TACC2: variants seen among roughly 807,000 people sequenced by gnomAD.
The protein encoded by TACC2 is transforming acidic coiled-coil-containing protein 2.
TACC2 carries 137 observed loss-of-function variants against 227.3 expected under a neutral mutation model. The ratio of observed to expected loss-of-function variants is 0.60; its 90% CI spans 0.52 to 0.69. The LOEUF is 0.69. Among genes scored for constraint, TACC2 ranks in the 30% least tolerant of loss-of-function variants. The probability of loss-of-function intolerance (pLI) is 0.00; values close to 1 mark genes in which losing one functional copy is unlikely to be tolerated. For missense variants in TACC2, 3,470 were observed against 3,694.4 expected (o/e 0.94, Z 1.57); for synonymous variants, 1,523 against 1,487.5 (o/e 1.02, Z -0.55).
intron 3 of TACC2, among the ~76,000 whole-genome samples, chr10:122,062,114 G>A (rs1161084282): frequency 7.4e-5 from 10 of 134,270 alleles, no homozygotes; most frequent in Admixed American, 6.1e-4. Context: ...CTCACTGCAA[G>A]CTCCGCCTCC....
chr10:122,203,699 T>C (rs1199203482), intron 8 of TACC2, among the ~76,000 whole-genome samples: 1 of 146,064 alleles, frequency 6.8e-6, no homozygotes, highest in African/African-American at 2.6e-5. Flanking sequence ...GAGGGGCTCC[T>C]CACATCCCAG....
rs775345822 is a variant in TACC2, at chr10:122,086,713, T to G, written c.4213T>G (p.Phe1405Val). 2.5e-6 allele frequency: 4 copies of G among 1,613,846 alleles called. No homozygotes were observed. In the African/African-American group the frequency reaches 5.3e-5, roughly 22 times the overall value. ...SSEQIATLTG[F>V]PDFREHIAKI... The stretch of plus-strand genomic sequence containing the variant: ...TGAGCAAATCGCCACCCTCACTGGC[T>G]TCCCAGACTTCAGGGAGCACATCGC... Residue 1405 changes from phenylalanine (F) to valine (V), a missense_variant, in exon 4 of 23, where the codon TTC becomes GTC. Physicochemically the swap from Phe to Val is conservative, Grantham distance 50. Coordinates refer to ENST00000369005, the MANE Select transcript of TACC2 (RefSeq NM_206862.4).
intron 7 of TACC2, chr10:122,163,683 C>T (rs1468267553): frequency 9.4e-7 from 1 of 1,068,146 alleles, no homozygotes; most frequent in East Asian, 6.4e-5. Flanking sequence ...CGGCCACACT[C>T]GGGCGCGCGC....
At chr10:122,187,130 AT>A (rs2094227800) in intron 7 of TACC2, among the ~76,000 whole-genome samples, 1 of 152,208 alleles carries the variant, frequency 6.6e-6, no homozygotes, top group South Asian at 2.1e-4. Flanking sequence ...AAATAAGCCA[AT>A]TTCAAAACTA....
rs753531775 is a variant in TACC2, at chr10:122,082,881, G to T, written c.381G>T (p.Ala127=). The change falls in exon 4 of 23, where the codon GCG becomes GCT. Residue 127 remains alanine (A), a synonymous_variant. Transcript: ENST00000369005. ...PPEGCLASPA[A]APEDGPQTQS... is the part of the protein sequence containing the mutation. ...AAGGTTGCTTGGCAAGTCCAGCAGC[G>T]GCACCTGAAGATGGTCCTCAGACTC... 6.2e-7 allele frequency: 1 copy of T among 1,613,360 alleles called. No individual in the cohort carries two copies. Among genetic ancestry groups the T allele is most frequent in the South Asian group, 1.1e-5 (1 of 91,074 alleles).
intron 2 of TACC2, chr10:122,022,515 G>A (rs959476449): frequency 6.5e-5 from 10 of 153,144 alleles, no homozygotes; most frequent in Non-Finnish European, 1.3e-4. Flanking sequence ...TCCCCAAAGC[G>A]CTGGGATTAC....
chr10:122,224,796 G>T lies in TACC2; in HGVS notation c.7608+9G>T, dbSNP rs757588017. The T allele has an allele frequency of 6.2e-6, 10 of 1,612,950 alleles. No homozygotes were observed. Among genetic ancestry groups the T allele is most frequent in the Non-Finnish European group, 8.5e-6 (10 of 1,179,164 alleles). On this transcript the variant is annotated intron_variant, in intron 12 of 22. Transcript: ENST00000369005. ...TTGGCTCCTCCTTACCTGTAAGTTC[G>T]TCTGCCTCGGGCCACTTAGGGGACT...
At chr10:122,071,710 C>G (rs1441655757) in intron 3 of TACC2, among the ~76,000 whole-genome samples, 8 of 44,666 alleles carry the variant, frequency 1.8e-4, no homozygotes, top group African/African-American at 6.0e-4. Context: ...CCTGTCTCTA[C>G]TAAAAATACA....
intron 5 of TACC2, among the ~76,000 whole-genome samples, chr10:122,114,019 T>C (rs2084164157): frequency 6.6e-6 from 1 of 152,264 alleles, no homozygotes; most frequent in South Asian, 2.1e-4. Flanking sequence ...GTTACTGTTG[T>C]TGCTATCTTC....
chr10:122,254,306 G>T lies in TACC2; in HGVS notation c.*250G>T. On this transcript the variant is annotated 3_prime_UTR_variant, in exon 23 of 23. Coordinates refer to ENST00000369005, the MANE Select transcript of TACC2 (RefSeq NM_206862.4). ...TCAGAGTTCCTGTATCAGGGAGATTGTCTGATTCTCTAATAAAAGACACAT... is the reference window on the plus strand; with the variant it reads ...TCAGAGTTCCTGTATCAGGGAGATTTTCTGATTCTCTAATAAAAGACACAT... 1.9e-6 allele frequency: 1 copy of T among 516,270 alleles called. No individual in the cohort carries two copies. Among genetic ancestry groups the T allele is most frequent in the Non-Finnish European group, 3.5e-6 (1 of 283,528 alleles). The allele number at this position is 516,270 out of a possible 1,614,324, so 32.0% of individuals were successfully genotyped here. A position where few individuals can be genotyped will look rare whatever the true frequency, so the allele number is the denominator to read the frequency against.
intron 2 of TACC2, among the ~76,000 whole-genome samples, chr10:122,036,218 A>G (rs1960283377): frequency 2.2e-5 from 3 of 138,532 alleles, no homozygotes; most frequent in African/African-American, 2.8e-5. Context: ...TTTGAGACGG[A>G]GTCTCGCTCT....
At position 122,249,092 on chromosome 10, in the gene TACC2, C is replaced by T; in HGVS notation, c.8596C>T (p.Arg2866Trp). Residue 2866 changes from arginine (R) to tryptophan (W), a missense_variant, in exon 21 of 23, where the codon CGG becomes TGG. Around this residue, in one of 10 missense-constraint regions of TACC2, gnomAD observed 89 missense variants for 91.4 expected, o/e 0.97. Coordinates refer to ENST00000369005, the MANE Select transcript of TACC2 (RefSeq NM_206862.4). ...GAGATGTGCGCAGGAGTACCTGTCC[C>T]GGGTGAAGAAGGAGGAGCAGAGGTA... is the stretch of plus-strand genomic sequence containing the variant. ...LKRCAQEYLSRVKKEEQRYQA... is the reference protein window; with the variant it reads ...LKRCAQEYLSWVKKEEQRYQA... 1 of 1,613,342 alleles carries T rather than the reference C, an allele frequency of 6.2e-7. No individual in the cohort carries two copies. The highest frequency in any genetic ancestry group is 8.5e-7 in the Non-Finnish European group (1 of 1,179,926).
chr10:122,170,984 T>A (rs1300151040), intron 7 of TACC2, among the ~76,000 whole-genome samples: 2 of 140,214 alleles, frequency 1.4e-5, no homozygotes, highest in African/African-American at 5.6e-5. Flanking sequence ...CTGCAAGCAC[T>A]GCAGGGCTTG....
chr10:122,197,244 G>A (rs2094604140), intron 8 of TACC2, among the ~76,000 whole-genome samples: 1 of 152,244 alleles, frequency 6.6e-6, no homozygotes, highest in African/African-American at 2.4e-5. Flanking sequence ...CTGGGTGACA[G>A]AACCGGACTC....
intron 3 of TACC2, among the ~76,000 whole-genome samples, chr10:122,059,060 TTTGTTGTTGTTG>T (rs66524910): frequency 0.017 from 1,187 of 70,218 alleles, 42 homozygotes; most frequent in African/African-American, 0.046. Context: ...GCCTGGCTAA[TTTGTTGTTGTTG>T]TTGTTGTTGT....
intron 1 of TACC2, among the ~76,000 whole-genome samples, chr10:122,007,936 G>A (rs10047287): frequency 0.48 from 72,208 of 151,562 alleles, 17,523 homozygotes; most frequent in Non-Finnish European, 0.52. Context: ...CCAATTTGGC[G>A]TACTCTAGCC....
chr10:122,176,113 CTCTCTATATATA>C (rs1463493107), intron 7 of TACC2, among the ~76,000 whole-genome samples: 372 of 54,754 alleles, frequency 6.8e-3, no homozygotes, highest in African/African-American at 0.022. Flanking sequence ...CTCTCTCTCT[CTCTCTATATATA>C]TATATATATA....
chr10:122,007,121 C>G (rs960506317), intron 1 of TACC2, among the ~76,000 whole-genome samples: 1 of 152,120 alleles, frequency 6.6e-6, no homozygotes, highest in Non-Finnish European at 1.5e-5. Context: ...CTCGGCCTCC[C>G]AAAGTTCTGG....
chr10:122,213,422 A>C lies in TACC2; in HGVS notation c.7283+1714A>C, dbSNP rs1261965987. On this transcript the variant is annotated intron_variant, in intron 9 of 22. Transcript: ENST00000369005. The stretch of plus-strand genomic sequence containing the variant: ...TCTGCCTCTTATGCCAAATGTGCTT[A>C]TTTTTCTGCCTTTTGTTTCTGCTTC... The C allele has an allele frequency of 1.9e-6, 3 of 1,601,164 alleles. No individual in the cohort carries two copies. The African/African-American group carries it at 4.0e-5, about 21-fold the overall frequency.
Sources: allele counts gnomAD v4.1 joint callset (sites outside exome capture counted in the v4.1 genomes callset), GRCh38; gene constraint gnomAD v4.1.1; regional missense constraint gnomAD v4.1.1; transcripts MANE v1.5; gene names NCBI Gene and HGNC (gene_info 2026-07-23, HGNC 2026-07-21).